The following NECTIN3 variants were observed in gnomAD, a reference collection of about 807,000 sequenced individuals.
The protein encoded by NECTIN3 is nectin cell adhesion molecule 3.
Under a neutral mutation model 49.4 loss-of-function variants are expected in NECTIN3, and 8 were observed. The observed-to-expected ratio is 0.16, with a 90% confidence interval of 0.10 to 0.29. The LOEUF (loss-of-function observed/expected upper bound fraction) is 0.29. Ranked by LOEUF, NECTIN3 falls within the 10% of genes least tolerant of loss-of-function variation. The probability of loss-of-function intolerance (pLI) is 1.00; values close to 1 mark genes in which losing one functional copy is unlikely to be tolerated. For missense variants in NECTIN3, 581 were observed against 654.6 expected, an observed-to-expected ratio of 0.89 and a Z score of 1.23; for synonymous variants, 277 against 241.1, an observed-to-expected ratio of 1.15 and a Z score of -1.38.
intron 7 of NECTIN3, among the ~76,000 whole-genome samples, chr3:111,148,971 G>T (rs767103858): frequency 2.0e-5 from 3 of 151,972 alleles, no homozygotes; most frequent in Non-Finnish European, 4.4e-5. Context: ...GTAGAAAAAA[G>T]TCTTAGAAAA....
intron 7 of NECTIN3, among the ~76,000 whole-genome samples, chr3:111,164,068 C>T (rs113874036): frequency 7.9e-5 from 12 of 151,158 alleles, no homozygotes; most frequent in African/African-American, 1.9e-4. Flanking sequence ...ACCAAATGTG[C>T]GAAGTATTTG....
At chr3:111,104,571 TA>T (rs1481379112) in intron 1 of NECTIN3, among the ~76,000 whole-genome samples, 1 of 152,048 alleles carries the variant, frequency 6.6e-6, no homozygotes, top group East Asian at 1.9e-4. Flanking sequence ...CCTCCTGCTA[TA>T]GCTTCCCAAA....
intron 7 of NECTIN3, among the ~76,000 whole-genome samples, chr3:111,158,498 A>G (rs1332176755): frequency 2.0e-5 from 3 of 152,128 alleles, no homozygotes; most frequent in Admixed American, 1.3e-4. Context: ...ATATGTTCCC[A>G]TGGAAACCAC....
intron 1 of NECTIN3, among the ~76,000 whole-genome samples, chr3:111,104,397 T>C (rs1325173943): frequency 6.7e-6 from 1 of 149,380 alleles, no homozygotes; most frequent in South Asian, 2.1e-4. Flanking sequence ...TGGAGTTTAC[T>C]GCAGCCTTGA....
At position 111,105,648 on chromosome 3, in the gene NECTIN3, C is replaced by G. The variant is rs181543861; in HGVS notation, c.161-6382C>G. ...CAATTGTGTTTTCTGTGAATAAAGA[C>G]ATTTCATTTGTTCCTTTCTGATTTG... On this transcript the variant is annotated intron_variant, in intron 1 of 5. Coordinates refer to ENST00000485303, the MANE Select transcript of NECTIN3 (RefSeq NM_015480.3). Among the ~76,000 whole-genome samples, 3 of 152,246 alleles carry G rather than the reference C, an allele frequency of 2.0e-5. No individual in the cohort carries two copies. In the East Asian group the frequency reaches 5.8e-4, roughly 29 times the overall value.
intron 5 of NECTIN3, among the ~76,000 whole-genome samples, chr3:111,126,585 ATAGT>A (rs1167595428): frequency 6.6e-6 from 1 of 152,126 alleles, no homozygotes; most frequent in Non-Finnish European, 1.5e-5. Flanking sequence ...GCCTGTACAT[ATAGT>A]TAATTTTTCA....
intron 3 of NECTIN3, among the ~76,000 whole-genome samples, chr3:111,121,544 T>C (rs2033956682): frequency 6.6e-6 from 1 of 152,214 alleles, no homozygotes; most frequent in African/African-American, 2.4e-5. Context: ...AAGCCCTAGC[T>C]AATTTACTTC....
chr3:111,086,327 A>G (rs138435728), intron 1 of NECTIN3, among the ~76,000 whole-genome samples: 1 of 152,202 alleles, frequency 6.6e-6, no homozygotes, highest in East Asian at 1.9e-4. Context: ...CTTTACAATT[A>G]ATTTGTTGTG....
At chr3:111,090,452 A>G (rs1269776240) in intron 1 of NECTIN3, among the ~76,000 whole-genome samples, 2 of 152,072 alleles carry the variant, frequency 1.3e-5, no homozygotes, top group African/African-American at 4.8e-5. Context: ...TCCTTGACTT[A>G]TTAAAGTCAT....
At chr3:111,120,370 G>A (rs761261206) in intron 3 of NECTIN3, among the ~76,000 whole-genome samples, 9 of 151,580 alleles carry the variant, frequency 5.9e-5, no homozygotes, top group Non-Finnish European at 1.2e-4. Flanking sequence ...TTTTCCTTTT[G>A]TAAATTGGAG....
intron 7 of NECTIN3, among the ~76,000 whole-genome samples, chr3:111,163,977 G>GA (rs760898538): frequency 0.063 from 6,055 of 96,424 alleles, 404 homozygotes; most frequent in African/African-American, 0.19. Flanking sequence ...AAGTAAATCT[G>GA]AAAAAAAAAA....
chr3:111,143,151 C>T (rs563069732), intron 5 of NECTIN3, among the ~76,000 whole-genome samples: 1 of 151,680 alleles, frequency 6.6e-6, no homozygotes, highest in South Asian at 2.1e-4. Flanking sequence ...TAAGTCATCC[C>T]AAATCTCTCT....
intron 3 of NECTIN3, 94 bp downstream of exon 3, chr3:111,119,046 TG>T: frequency 8.7e-7 from 1 of 1,143,764 alleles, no homozygotes; most frequent in South Asian, 1.7e-5. Context: ...TCCTTGTTTT[TG>T]TTTTTCTTTT....
rs3733175 is a variant in NECTIN3 at position 111,145,130 on chromosome 3, G to A, written c.1139+93G>A. The A allele has an allele frequency of 0.024, 32,707 of 1,350,586 alleles. 2,193 individuals carry two copies. The highest frequency in any genetic ancestry group is 0.21 in the East Asian group (8,231 of 39,764). 83.7% of individuals were successfully genotyped at this position (1,350,586 alleles called of 1,614,324 possible). ...TACAGCTCCTCATAAAGAACTTAAG[G>A]GATAGAAGTAAGGATAATGTTAGGC... On this transcript the variant is annotated intron_variant, in intron 6 of 8. Coordinates refer to the NECTIN3 transcript ENST00000493615.
At chr3:111,084,623 G>A (rs1047119878) in intron 1 of NECTIN3, among the ~76,000 whole-genome samples, 4 of 152,224 alleles carry the variant, frequency 2.6e-5, no homozygotes, top group Admixed American at 6.5e-5. Context: ...AGGAAGGTAG[G>A]ATTTAAGAAA....
rs2030818583 is a variant in NECTIN3 at position 111,072,276 on chromosome 3, C to T, written c.160+99C>T. ...CCAGCCGTTCTCTGGAGCAGCGAGG[C>T]GGTTGGTTGTGCGAGCGAGTGCCGA... On this transcript the variant is annotated intron_variant, in intron 1 of 5. Coordinates refer to ENST00000485303, the MANE Select transcript of NECTIN3 (RefSeq NM_015480.3). 2.7e-6 allele frequency: 4 copies of T among 1,456,624 alleles called. No individual in the cohort carries two copies. In the South Asian group the frequency reaches 5.5e-5, roughly 20 times the overall value. 90.2% of individuals were successfully genotyped at this position (1,456,624 alleles called of 1,614,324 possible).
At chr3:111,082,306 G>A (rs1362764032) in intron 1 of NECTIN3, among the ~76,000 whole-genome samples, 1 of 152,234 alleles carries the variant, frequency 6.6e-6, no homozygotes, top group South Asian at 2.1e-4. Context: ...GAGGTAGGTT[G>A]TGAAACTGGG....
chr3:111,079,971 T>A (rs550976438), intron 1 of NECTIN3, among the ~76,000 whole-genome samples: 1 of 152,192 alleles, frequency 6.6e-6, no homozygotes, highest in African/African-American at 2.4e-5. Context: ...TTTTTCAAGG[T>A]GTTGCATTGT....
At chr3:111,083,935 T>A (rs921623249) in intron 1 of NECTIN3, among the ~76,000 whole-genome samples, 2 of 152,186 alleles carry the variant, frequency 1.3e-5, no homozygotes, top group African/African-American at 4.8e-5. Context: ...GAAAATATAT[T>A]GTCCACAAGT....
Sources: allele counts gnomAD v4.1 joint callset (sites outside exome capture counted in the v4.1 genomes callset), GRCh38; gene constraint gnomAD v4.1.1; transcripts MANE v1.5; gene names NCBI Gene and HGNC (gene_info 2026-07-23, HGNC 2026-07-21).